The following TRPC4 variants were observed in gnomAD, a reference collection of about 807,000 sequenced individuals.
TRPC4 encodes transient receptor potential cation channel subfamily C member 4.
TRPC4 carries 49 observed loss-of-function variants against 99.4 expected under a neutral mutation model. The observed-to-expected ratio is 0.49, with a 90% confidence interval of 0.39 to 0.63. The LOEUF (loss-of-function observed/expected upper bound fraction) is 0.63, where lower values mean the gene tolerates loss of function less well. Ranked by LOEUF, TRPC4 falls within the 20% of genes least tolerant of loss-of-function variation. The pLI is 0.00. For synonymous variants in TRPC4, 454 were observed against 425.9 expected, an observed-to-expected ratio of 1.07 and a Z score of -0.81; for missense variants, 898 against 1,152.9, an observed-to-expected ratio of 0.78 and a Z score of 3.20.
intron 2 of TRPC4, among the ~76,000 whole-genome samples, chr13:37,769,826 C>T: frequency 6.6e-6 from 1 of 151,544 alleles, no homozygotes; most frequent in Non-Finnish European, 1.5e-5. Context: ...AGACATAGAT[C>T]AAACTGGTGT....
rs145247945 is a variant in TRPC4 at position 37,661,992 on chromosome 13, G to C, written c.1688+1424C>G. The stretch of plus-strand genomic sequence containing the variant: ...AGTGAACCGGTCAGGCCAAGAAACT[G>C]CTGCTTAGGAATACAGGATCAAGAA... On this transcript the variant is annotated intron_variant, in intron 6 of 10. Coordinates refer to ENST00000379705, the MANE Select transcript of TRPC4 (RefSeq NM_016179.4). Among the ~76,000 whole-genome samples the C allele has an allele frequency of 2.1e-3, 317 of 152,200 alleles. 2 individuals are homozygous for C. Among genetic ancestry groups the C allele is most frequent in the African/African-American group, 7.3e-3 (304 of 41,544 alleles).
chr13:37,833,567 G>A (rs975749110), intron 1 of TRPC4, among the ~76,000 whole-genome samples: 7 of 152,158 alleles, frequency 4.6e-5, no homozygotes, highest in Admixed American at 6.5e-5. Flanking sequence ...TCCTGTGAGT[G>A]GTTCTTTACT....
At chr13:37,750,837 C>G (rs530111679) in intron 2 of TRPC4, among the ~76,000 whole-genome samples, 184 of 152,030 alleles carry the variant, frequency 1.2e-3, no homozygotes, top group Middle Eastern at 6.8e-3. Context: ...TGTGATGTAC[C>G]CCTCCCTGTG....
chr13:37,818,139 C>T (rs560727153), intron 1 of TRPC4, among the ~76,000 whole-genome samples: 93 of 151,544 alleles, frequency 6.1e-4, no homozygotes, highest in African/African-American at 2.2e-3. Context: ...GTCTAGTATC[C>T]AGCATCTGTA....
At position 37,729,779 on chromosome 13, in the gene TRPC4, A is replaced by C. The variant is rs528986817; in HGVS notation, c.897+16158T>G. ...TTCCATTTTTATGAGGTAATTAGTC[A>C]AAATTATAAAGGCAGAAACTGGAAT... On this transcript the variant is annotated intron_variant, in intron 3 of 10. Transcript: ENST00000379705. 1.3e-5 allele frequency among the ~76,000 whole-genome samples: 2 copies of C among 152,256 alleles called. 1 individual carries two copies. Among genetic ancestry groups the C allele is most frequent in the South Asian group, 4.1e-4 (2 of 4,828 alleles).
chr13:37,819,661 G>A (rs1393744031), intron 1 of TRPC4, among the ~76,000 whole-genome samples: 3 of 151,864 alleles, frequency 2.0e-5, no homozygotes, highest in African/African-American at 7.3e-5. Context: ...CACATACTAA[G>A]ACCTATCAAA....
At position 37,636,090 on chromosome 13, in the gene TRPC4, T is replaced by G. The variant is rs1951509042; in HGVS notation, c.*813A>C. Among the ~76,000 whole-genome samples, 2 of 152,090 alleles carry G rather than the reference T, an allele frequency of 1.3e-5. No individual in the cohort carries two copies. The highest frequency in any genetic ancestry group is 4.8e-5 in the African/African-American group (2 of 41,438). On this transcript the variant is annotated 3_prime_UTR_variant, in exon 11 of 11. Transcript: ENST00000379705. The stretch of plus-strand genomic sequence containing the variant: ...AAGATACTTACAATATTATGGTTTA[T>G]TATTTTTTTATAACAGAAATCTTGC...
At chr13:37,822,842 C>T (rs1265449880) in intron 1 of TRPC4, among the ~76,000 whole-genome samples, 2 of 151,786 alleles carry the variant, frequency 1.3e-5, no homozygotes, top group African/African-American at 2.4e-5. Flanking sequence ...TGAGGAATCG[C>T]CACACTGACT....
intron 1 of TRPC4, among the ~76,000 whole-genome samples, chr13:37,813,868 T>C (rs1957769801): frequency 6.6e-6 from 1 of 151,484 alleles, no homozygotes; most frequent in African/African-American, 2.4e-5. Context: ...TGACACCAAA[T>C]ACAAAGACAT....
At chr13:37,775,725 T>C (rs1286592632) in intron 2 of TRPC4, among the ~76,000 whole-genome samples, 1 of 151,832 alleles carries the variant, frequency 6.6e-6, no homozygotes, top group Non-Finnish European at 1.5e-5. Flanking sequence ...ATCCTGTATT[T>C]TCATATTGTG....
At chr13:37,784,580 T>C (rs79476290) in intron 1 of TRPC4, among the ~76,000 whole-genome samples, 4,366 of 152,164 alleles carry the variant, frequency 0.029, 114 homozygotes, top group South Asian at 0.081. Flanking sequence ...TATTTGGATA[T>C]GTTTGCTCTG....
intron 3 of TRPC4, among the ~76,000 whole-genome samples, chr13:37,712,757 G>A (rs989994977): frequency 2.6e-5 from 4 of 152,100 alleles, no homozygotes; most frequent in Non-Finnish European, 5.9e-5. Context: ...TCTAGAGAAG[G>A]GTGAGAGGCT....
chr13:37,674,133 C>A, intron 5 of TRPC4, 95 bp downstream of exon 5: 5 of 1,218,578 alleles, frequency 4.1e-6, no homozygotes, highest in Non-Finnish European at 5.4e-6. Context: ...CCGGAAAAAG[C>A]TCTAGGTAAC....
chr13:37,815,526 C>A (rs1392955603), intron 1 of TRPC4, among the ~76,000 whole-genome samples: 1 of 151,838 alleles, frequency 6.6e-6, no homozygotes, highest in African/African-American at 2.4e-5. Flanking sequence ...CAAAGAAGGG[C>A]ATTACATGAT....
chr13:37,713,806 A>C (rs963124368), intron 3 of TRPC4, among the ~76,000 whole-genome samples: 12 of 152,302 alleles, frequency 7.9e-5, no homozygotes, highest in African/African-American at 2.9e-4. Flanking sequence ...AAGGATTAAT[A>C]AATCAATGTT....
chr13:37,783,510 A>G (rs1593733442), intron 1 of TRPC4, 150 bp from the exon 2 acceptor site: 1 of 488,840 alleles, frequency 2.0e-6, no homozygotes, highest in African/African-American at 2.0e-5. Context: ...TTTCTTCAAC[A>G]ATATAAATAC....
chr13:37,788,408 C>CA (rs1328481832), intron 1 of TRPC4, among the ~76,000 whole-genome samples: 4 of 152,148 alleles, frequency 2.6e-5, no homozygotes, highest in African/African-American at 9.7e-5. Context: ...TTCTCTCTAA[C>CA]ATGGTGTTTA....
At chr13:37,777,354 C>T (rs956954425) in intron 2 of TRPC4, among the ~76,000 whole-genome samples, 5 of 151,814 alleles carry the variant, frequency 3.3e-5, no homozygotes, top group South Asian at 2.1e-4. Context: ...TGTCTTCACA[C>T]GGCAGCGGGA....
chr13:37,728,639 A>G (rs888686773), intron 3 of TRPC4, among the ~76,000 whole-genome samples: 1 of 152,090 alleles, frequency 6.6e-6, no homozygotes, highest in Non-Finnish European at 1.5e-5. Flanking sequence ...CACAATCCCT[A>G]TACAAAGCCC....
Sources: allele counts gnomAD v4.1 joint callset (sites outside exome capture counted in the v4.1 genomes callset), GRCh38; gene constraint gnomAD v4.1.1; transcripts MANE v1.5; gene names NCBI Gene and HGNC (gene_info 2026-07-23, HGNC 2026-07-21).